The following WWOX variants were observed in gnomAD, a reference collection of about 807,000 sequenced individuals.
The protein encoded by WWOX is WW domain containing oxidoreductase.
A neutral mutation model predicts 46.2 loss-of-function variants in WWOX; 69 were observed. The ratio of observed to expected loss-of-function variants is 1.49; its 90% CI spans 1.23 to 1.82. The LOEUF (loss-of-function observed/expected upper bound fraction) is 1.82. Among genes scored for constraint, WWOX ranks in the 40% most tolerant of loss-of-function variants. The pLI is 0.00. For missense variants in WWOX, 919 were observed against 542.6 expected, an observed-to-expected ratio of 1.69 and a Z score of -6.89; for synonymous variants, 359 against 202.6, an observed-to-expected ratio of 1.77 and a Z score of -6.56.
At chr16:78,994,739 C>T (rs1472517738) in intron 8 of WWOX, among the ~76,000 whole-genome samples, 1 of 151,948 alleles carries the variant, frequency 6.6e-6, no homozygotes, top group Non-Finnish European at 1.5e-5. Flanking sequence ...CAGTTAATGG[C>T]AGGGAAACGA....
chr16:78,231,991 A>G lies in WWOX; in HGVS notation c.516+67702A>G, dbSNP rs561728187. ...TGCTATGGAGGTTAAGCCCTTTACT[A>G]AGTTCCAAGGATGTACCTGTGAATA... On this transcript the variant is annotated intron_variant, in intron 5 of 8. Transcript: ENST00000566780. Among the ~76,000 whole-genome samples the G allele has an allele frequency of 2.0e-4, 31 of 152,280 alleles. 1 individual carries two copies. Among genetic ancestry groups the G allele is most frequent in the African/African-American group, 7.5e-4 (31 of 41,558 alleles).
chr16:78,200,771 A>G (rs1344330343), intron 5 of WWOX, among the ~76,000 whole-genome samples: 3 of 152,016 alleles, frequency 2.0e-5, no homozygotes, highest in Admixed American at 2.0e-4. Context: ...ACTCGGTTAT[A>G]TGTGCTGGAC....
chr16:78,470,222 G>A (rs1044903346), intron 8 of WWOX, among the ~76,000 whole-genome samples: 7 of 152,184 alleles, frequency 4.6e-5, no homozygotes, highest in Admixed American at 4.6e-4. Context: ...GCAGGACCAT[G>A]TGTGGAGCAT....
At position 78,347,479 on chromosome 16, in the gene WWOX, C is replaced by T. The variant is rs1286430856; in HGVS notation, c.517-39381C>T. 1.7e-5 allele frequency among the ~76,000 whole-genome samples: 2 copies of T among 117,934 alleles called. 1 individual carries two copies. The highest frequency in any genetic ancestry group is 5.8e-5 in the African/African-American group (2 of 34,574). The allele number at this position is 117,934 out of a possible 152,430, so 77.4% of individuals were successfully genotyped here. ...CACGCTGTTACCCCCACAATGTCCCCCCACATATCATTGCTATCCCTCCTC... is the reference window on the plus strand; with the variant it reads ...CACGCTGTTACCCCCACAATGTCCCTCCACATATCATTGCTATCCCTCCTC... On this transcript the variant is annotated intron_variant, in intron 5 of 8. Coordinates refer to ENST00000566780, the MANE Select transcript of WWOX (RefSeq NM_016373.4).
At chr16:79,055,059 A>C (rs751164714) in intron 8 of WWOX, among the ~76,000 whole-genome samples, 6 of 152,314 alleles carry the variant, frequency 3.9e-5, no homozygotes, top group Admixed American at 1.3e-4. Flanking sequence ...TCAGAGACCT[A>C]AAATGGTATA....
chr16:78,439,611 C>T (rs892490732), intron 8 of WWOX, among the ~76,000 whole-genome samples: 2 of 152,194 alleles, frequency 1.3e-5, no homozygotes, highest in Non-Finnish European at 2.9e-5. Flanking sequence ...GCAGCCTCTA[C>T]TCCCTTTTAG....
chr16:78,959,727 T>G (rs1026864913), intron 8 of WWOX, among the ~76,000 whole-genome samples: 4 of 152,172 alleles, frequency 2.6e-5, no homozygotes, highest in African/African-American at 9.7e-5. Flanking sequence ...TCAAAAGGCC[T>G]AGGAGCCTTT....
chr16:79,150,388 G>A (rs530628830), intron 8 of WWOX, among the ~76,000 whole-genome samples: 7 of 152,166 alleles, frequency 4.6e-5, no homozygotes, highest in Non-Finnish European at 7.3e-5. Context: ...ATAGCATAGG[G>A]CAGTTTCAGA....
At chr16:79,105,205 G>C (rs1303361916) in intron 8 of WWOX, among the ~76,000 whole-genome samples, 2 of 152,148 alleles carry the variant, frequency 1.3e-5, no homozygotes, top group Admixed American at 6.5e-5. Flanking sequence ...AGTGACAAAA[G>C]GGTCCTCAGT....
intron 6 of WWOX, among the ~76,000 whole-genome samples, chr16:78,419,875 A>G (rs745867170): frequency 2.0e-5 from 3 of 152,114 alleles, no homozygotes; most frequent in Non-Finnish European, 4.4e-5. Context: ...AATGGGGGAA[A>G]TACTTACAAA....
chr16:78,575,744 T>A (rs1371396305), intron 8 of WWOX, among the ~76,000 whole-genome samples: 1 of 152,172 alleles, frequency 6.6e-6, no homozygotes, highest in Non-Finnish European at 1.5e-5. Flanking sequence ...AAAAATTTCA[T>A]TAAATCACAA....
chr16:78,621,006 T>C (rs1035992703), intron 8 of WWOX, among the ~76,000 whole-genome samples: 1 of 152,314 alleles, frequency 6.6e-6, no homozygotes, highest in Middle Eastern at 3.4e-3. Flanking sequence ...ATAATCCAAC[T>C]CAAAGGCTGT....
At chr16:78,823,145 C>T (rs1242238839) in intron 8 of WWOX, among the ~76,000 whole-genome samples, 2 of 152,224 alleles carry the variant, frequency 1.3e-5, no homozygotes, top group Non-Finnish European at 2.9e-5. Context: ...TGAATTAATA[C>T]TCCGGCCTTT....
At chr16:78,588,319 C>A (rs1194948336) in intron 8 of WWOX, among the ~76,000 whole-genome samples, 1 of 152,138 alleles carries the variant, frequency 6.6e-6, no homozygotes, top group Non-Finnish European at 1.5e-5. Context: ...GATAATCTGG[C>A]TATTGCATTT....
intron 4 of WWOX, among the ~76,000 whole-genome samples, chr16:78,147,974 G>T (rs180971685): frequency 1.5e-3 from 229 of 149,418 alleles, no homozygotes; most frequent in Non-Finnish European, 2.7e-3. Flanking sequence ...AATCCTGGTG[G>T]CTGGCCTGCT....
intron 8 of WWOX, among the ~76,000 whole-genome samples, chr16:79,166,280 G>T (rs1279692020): frequency 6.6e-6 from 1 of 152,194 alleles, no homozygotes; most frequent in Non-Finnish European, 1.5e-5. Flanking sequence ...CAACCTGGGT[G>T]TTTCAGCCAG....
chr16:78,581,252 A>G (rs1274388275), intron 8 of WWOX, among the ~76,000 whole-genome samples: 1 of 152,212 alleles, frequency 6.6e-6, no homozygotes, highest in Non-Finnish European at 1.5e-5. Flanking sequence ...CATTAATTAG[A>G]TAATTAAGGG....
intron 6 of WWOX, among the ~76,000 whole-genome samples, chr16:78,406,911 C>G (rs767660219): frequency 6.6e-6 from 1 of 152,184 alleles, no homozygotes; most frequent in Non-Finnish European, 1.5e-5. Context: ...CAGGCGTCAG[C>G]CACTGTGCCC....
intron 5 of WWOX, among the ~76,000 whole-genome samples, chr16:78,364,282 T>A (rs538421910): frequency 6.6e-6 from 1 of 152,370 alleles, no homozygotes; most frequent in African/African-American, 2.4e-5. Flanking sequence ...ACTCTCCTGA[T>A]AGCCACTAAA....
Sources: allele counts gnomAD v4.1 joint callset (sites outside exome capture counted in the v4.1 genomes callset), GRCh38; gene constraint gnomAD v4.1.1; transcripts MANE v1.5; gene names NCBI Gene and HGNC (gene_info 2026-07-23, HGNC 2026-07-21).